The following FCGR2B variants were observed in gnomAD, a reference collection of about 807,000 sequenced individuals.
The protein encoded by FCGR2B is Fc gamma receptor IIb, also known as low affinity immunoglobulin gamma Fc region receptor II-b.
In FCGR2B, 18 loss-of-function variants were observed where a neutral mutation model predicts 24.8. The ratio of observed to expected loss-of-function variants is 0.73; its 90% CI spans 0.50 to 1.08. The LOEUF (loss-of-function observed/expected upper bound fraction) is 1.08. Ranked by LOEUF, FCGR2B falls within the 50% of genes least tolerant of loss-of-function variation. The pLI is 0.00. For synonymous variants in FCGR2B, 79 were observed against 109.8 expected, an observed-to-expected ratio of 0.72 and a Z score of 1.75; for missense variants, 215 against 297.6, an observed-to-expected ratio of 0.72 and a Z score of 2.04.
chr1:161,671,365 A>T (rs745633678), intron 2 of FCGR2B, 27 bp from the exon 3 acceptor site: 3 of 1,613,944 alleles, frequency 1.9e-6, no homozygotes, highest in East Asian at 4.5e-5. Flanking sequence ...CCTCTTCTTC[A>T]TGCTACCTCC....
At chr1:161,669,545 G>C (rs563850543) in intron 1 of FCGR2B, among the ~76,000 whole-genome samples, 2 of 141,642 alleles carry the variant, frequency 1.4e-5, no homozygotes, top group East Asian at 3.9e-4. Context: ...ACTCCAGCCT[G>C]GGTGACAGAG....
At chr1:161,671,072 C>G (rs1395716188) in intron 2 of FCGR2B, among the ~76,000 whole-genome samples, 2 of 152,042 alleles carry the variant, frequency 1.3e-5, no homozygotes, top group African/African-American at 4.8e-5. Context: ...TGTGTCTGTG[C>G]TGGTGGGGAG....
At chr1:161,675,373 G>A in intron 6 of FCGR2B, 60 bp downstream of exon 6, 1 of 1,263,020 alleles carries the variant, frequency 7.9e-7, no homozygotes, top group Non-Finnish European at 1.1e-6. Context: ...GGCTGGACTG[G>A]AGCCAGGGAG....
the FCGR2B span, among the ~76,000 whole-genome samples, chr1:161,648,971 A>G: frequency 4.6e-5 from 7 of 151,012 alleles, no homozygotes; most frequent in African/African-American, 1.7e-4. Flanking sequence ...GTATTATTTG[A>G]GAAAATCTGT....
chr1:161,647,603 C>A, the FCGR2B span, among the ~76,000 whole-genome samples: 4 of 150,528 alleles, frequency 2.7e-5, no homozygotes, highest in Non-Finnish European at 5.9e-5. Flanking sequence ...CTGTGCCCGG[C>A]CTGCTCTGGA....
rs755335045 is a variant in FCGR2B at position 161,677,380 on chromosome 1, C to A, written c.855+15C>A. The A allele has an allele frequency of 6.2e-7, 1 of 1,612,898 alleles. No individual in the cohort carries two copies. Among genetic ancestry groups the A allele is most frequent in the Non-Finnish European group, 8.5e-7 (1 of 1,179,190 alleles). ...ACAAAGTTGGGGTGAGTGATCCCAGCCATCTCCCCCTCCCTTCTCCCCTGT... is the reference window on the plus strand; with the variant it reads ...ACAAAGTTGGGGTGAGTGATCCCAGACATCTCCCCCTCCCTTCTCCCCTGT... On this transcript the variant is annotated intron_variant, in intron 7 of 7. Coordinates refer to ENST00000358671, the MANE Select transcript of FCGR2B (RefSeq NM_001394477.1).
intron 6 of FCGR2B, chr1:161,676,804 T>G (rs1273970332): frequency 6.0e-6 from 1 of 167,938 alleles, no homozygotes; most frequent in African/African-American, 2.4e-5. Context: ...ATCCTTCCTT[T>G]CTCCTTCCGT....
chr1:161,675,020 G>C (rs1681991749), intron 5 of FCGR2B: 2 of 505,708 alleles, frequency 4.0e-6, no homozygotes, highest in Non-Finnish European at 7.1e-6. Context: ...AGATGCCATG[G>C]CGTGGACTTT....
At chr1:161,647,330 C>T in the FCGR2B span, among the ~76,000 whole-genome samples, 1 of 136,338 alleles carries the variant, frequency 7.3e-6, no homozygotes, top group Non-Finnish European at 1.5e-5. Flanking sequence ...GATTGAGTCT[C>T]GCTCTTGTCA....
the FCGR2B span, among the ~76,000 whole-genome samples, chr1:161,648,997 G>C: frequency 0.32 from 48,814 of 150,250 alleles, 8,518 homozygotes; most frequent in Admixed American, 0.43. Flanking sequence ...ATATTTGGGA[G>C]ATTAATGAAT....
At chr1:161,672,320 T>C (rs1366505307) in intron 3 of FCGR2B, 1 of 159,258 alleles carries the variant, frequency 6.3e-6, no homozygotes, top group Non-Finnish European at 1.4e-5. Context: ...GTGATGAACA[T>C]TGTCCTTGTG....
chr1:161,673,333 A>G (rs1681852663), intron 4 of FCGR2B, 104 bp downstream of exon 4: 38 of 1,603,554 alleles, frequency 2.4e-5, no homozygotes, highest in Non-Finnish European at 3.2e-5. Flanking sequence ...ACAGCGCAAA[A>G]TTGGGCACTG....
chr1:161,655,843 T>TTTTATTTATTTATTTATTTATTTA, the FCGR2B span, among the ~76,000 whole-genome samples: 259 of 55,464 alleles, frequency 4.7e-3, 2 homozygotes, highest in Middle Eastern at 0.015. Flanking sequence ...TTTCCTCAAT[T>TTTTATTTATTTATTTATTTATTTA]TTTATTTATT....
chr1:161,656,312 T>A, the FCGR2B span, among the ~76,000 whole-genome samples: 2 of 143,096 alleles, frequency 1.4e-5, 1 homozygote, highest in African/African-American at 5.0e-5. Context: ...TTTCTTCATT[T>A]CTTCCTCCCA....
At chr1:161,650,013 G>A in the FCGR2B span, among the ~76,000 whole-genome samples, 8 of 150,604 alleles carry the variant, frequency 5.3e-5, no homozygotes, top group Non-Finnish European at 1.5e-5. Context: ...ATGCGTATGT[G>A]TGTTTTATTT....
At chr1:161,672,530 G>C (rs1181627174) in intron 3 of FCGR2B, 2 of 216,356 alleles carry the variant, frequency 9.2e-6, no homozygotes, top group African/African-American at 4.6e-5. Flanking sequence ...CTTTTCTACT[G>C]TCCACAAAGG....
intron 5 of FCGR2B, chr1:161,675,046 A>T: frequency 3.8e-6 from 2 of 527,292 alleles, no homozygotes; most frequent in Non-Finnish European, 6.8e-6. Context: ...ACTCCTGGGC[A>T]TCCCCATGGG....
In FCGR2B at chr1:161,677,466, C is replaced by T. The variant is rs761349237; in HGVS notation, c.856-10C>T. On this transcript the variant is annotated splice_polypyrimidine_tract_variant and intron_variant, in intron 7 of 7. Transcript: ENST00000358671. ...TGTGGATCCTTACTGCTGGTTTCTG[C>T]CTTCTCTAGGCTGAGAACACAATCA... 2 of 1,613,556 alleles carry T rather than the reference C, an allele frequency of 1.2e-6. No homozygotes were observed. The highest frequency in any genetic ancestry group is 1.1e-5 in the South Asian group (1 of 91,062).
intron 6 of FCGR2B, chr1:161,675,995 G>A (rs981532016): frequency 1.7e-5 from 4 of 232,290 alleles, no homozygotes; most frequent in African/African-American, 8.8e-5. Flanking sequence ...TCTCCTCACT[G>A]AGGAAATGAG....
Sources: allele counts gnomAD v4.1 joint callset (sites outside exome capture counted in the v4.1 genomes callset), GRCh38; gene constraint gnomAD v4.1.1; transcripts MANE v1.5; gene names NCBI Gene and HGNC (gene_info 2026-07-23, HGNC 2026-07-21).